RPL3: variants seen among roughly 807,000 people sequenced by gnomAD.
The protein encoded by RPL3 is ribosomal protein L3, also known as large ribosomal subunit protein uL3.
RPL3 carries 3 observed loss-of-function variants against 46.0 expected under a neutral mutation model. The ratio of observed to expected loss-of-function variants is 0.07; its 90% CI spans 0.03 to 0.17. The LOEUF is 0.17. RPL3 is among the 10% of genes least tolerant of loss of function. The pLI, the probability that RPL3 is intolerant of heterozygous loss-of-function variation, is 1.00. For synonymous variants in RPL3, 224 were observed against 190.8 expected, an observed-to-expected ratio of 1.17 and a Z score of -1.43; for missense variants, 387 against 532.7, an observed-to-expected ratio of 0.73 and a Z score of 2.69.
chr22:39,315,882 T>C (rs1409781667), intron 4 of RPL3, among the ~76,000 whole-genome samples: 1 of 152,212 alleles, frequency 6.6e-6, no homozygotes, highest in Non-Finnish European at 1.5e-5. Context: ...GCAGTGGTTT[T>C]ACCTCAGCCA....
Position 39,315,477 on chromosome 22 carries a change from G to A in RPL3, c.580C>T (p.Leu194=), listed in dbSNP as rs759124347. 1.2e-6 allele frequency: 2 copies of A among 1,614,112 alleles called. No individual in the cohort carries two copies. The highest frequency in any genetic ancestry group is 1.7e-6 in the Non-Finnish European group (2 of 1,180,050). ...QVNGGTVAEK[L]DWARERLEQQ... is the part of the protein sequence containing the mutation. ...TCAAGCCTCTCGCGGGCCCAGTCCAGCTTCTCGGCCACAGTGCCTCCGTTC... is the reference window on the plus strand; with the variant it reads ...TCAAGCCTCTCGCGGGCCCAGTCCAACTTCTCGGCCACAGTGCCTCCGTTC... The change falls in exon 5 of 10, where the codon CTG becomes TTG. Residue 194 remains leucine, a synonymous_variant. Transcript: ENST00000216146.
rs1569161616 is a variant in RPL3 at position 39,317,449 on chromosome 22, C to G, written c.365+12G>C. On this transcript the variant is annotated intron_variant, in intron 3 of 9. Transcript: ENST00000216146. ...GCTCCCAAGCTAGGGACTGCATGGC[C>G]TCCTCCCTTACCAATTCTTATAGAA... 6.2e-7 allele frequency: 1 copy of G among 1,611,538 alleles called. No individual in the cohort carries two copies. Among genetic ancestry groups the G allele is most frequent in the Non-Finnish European group, 8.5e-7 (1 of 1,178,018 alleles).
At chr22:39,318,159 T>G (rs1410821110) in intron 2 of RPL3, 5 of 494,850 alleles carry the variant, frequency 1.0e-5, no homozygotes, top group Non-Finnish European at 1.8e-5. Flanking sequence ...CTGGCAAATT[T>G]ACTATGCTCT....
At chr22:39,316,902 G>A (rs760844884) in intron 3 of RPL3, 61 bp from the exon 4 acceptor site, 3 of 1,612,534 alleles carry the variant, frequency 1.9e-6, no homozygotes, top group Non-Finnish European at 2.5e-6. Flanking sequence ...ACCCCTCCGA[G>A]GGGTGAGCGG....
rs1209796975 is a variant in RPL3, at chr22:39,318,558, G to C, written c.38C>G (p.Ser13Cys). ...HRKFSAPRHG[S>C]LGFLPRKRSS... ...GCGCTTCCGAGGCAGGAAGCCGAGG[G>C]ACCCATGTCTGGGAGCGGAGAACTT... is the stretch of plus-strand genomic sequence containing the variant. Residue 13 changes from serine to cysteine, a missense_variant, in exon 2 of 10, where the codon TCC becomes TGC. Physicochemically the swap from Ser to Cys is moderately radical, Grantham distance 112. Around this residue, in one of 5 missense-constraint regions of RPL3, gnomAD observed 8 missense variants for 23.8 expected, o/e 0.34. Coordinates refer to ENST00000216146, the MANE Select transcript of RPL3 (RefSeq NM_000967.4). The C allele has an allele frequency of 1.2e-6, 2 of 1,612,478 alleles. No homozygotes were observed. The highest frequency in any genetic ancestry group is 2.7e-5 in the African/African-American group (2 of 74,870).
In RPL3 at chr22:39,314,233, G is replaced by C. The variant is rs374530214; in HGVS notation, c.850-25C>G. 5.6e-6 allele frequency: 9 copies of C among 1,600,146 alleles called. No individual in the cohort carries two copies. In the African/African-American group the frequency reaches 1.1e-4, roughly 19 times the overall value. ...TCTGAATGAACAAGAAGGGTGTAAG[G>C]CTGGGGCATTAGGGACAAATAACCC... On this transcript the variant is annotated intron_variant, in intron 6 of 9. Coordinates refer to ENST00000216146, the MANE Select transcript of RPL3 (RefSeq NM_000967.4).
intron 4 of RPL3, among the ~76,000 whole-genome samples, chr22:39,315,956 A>G (rs1488235357): frequency 1.3e-5 from 2 of 152,230 alleles, no homozygotes; most frequent in Non-Finnish European, 2.9e-5. Flanking sequence ...AAGAAAATGC[A>G]TCACCGGGAG....
rs374722258 is a variant in RPL3 at position 39,318,620 on chromosome 22, A to T, written c.4-28T>A. 2.0e-5 allele frequency: 32 copies of T among 1,573,158 alleles called. No individual in the cohort carries two copies. In the Middle Eastern group the frequency reaches 1.0e-3, roughly 49 times the overall value. On this transcript the variant is annotated intron_variant, in intron 1 of 9. Transcript: ENST00000216146. Reference sequence around the variant, plus strand: ...AGGTGGGAAAAAAATCACCGTCAGCACCCAAACCAAAGCAGTGCCCCCTTC... The same window carrying T: ...AGGTGGGAAAAAAATCACCGTCAGCTCCCAAACCAAAGCAGTGCCCCCTTC...
rs571501291 is a variant in RPL3, at chr22:39,314,599, G to T, written c.849+87C>A. ...CCACGTGATGCATAAGCTACAGTCA[G>T]TGAAGCAGCACTGACAGGCACAGAA... On this transcript the variant is annotated intron_variant, in intron 6 of 9. Coordinates refer to ENST00000216146, the MANE Select transcript of RPL3 (RefSeq NM_000967.4). The T allele has an allele frequency of 1.3e-4, 186 of 1,441,146 alleles. 3 individuals carry two copies. In the South Asian group the frequency reaches 2.4e-3, roughly 18 times the overall value. 89.3% of individuals were successfully genotyped at this position (1,441,146 alleles called of 1,614,324 possible). A position where few individuals can be genotyped will look rare whatever the true frequency, so the allele number is the denominator to read the frequency against.
At position 39,314,149 on chromosome 22, in the gene RPL3, G is replaced by A. The variant is rs773114418; in HGVS notation, c.909C>T (p.Ala303=). The A allele has an allele frequency of 2.5e-6, 4 of 1,613,442 alleles. No homozygotes were observed. The highest frequency in any genetic ancestry group is 2.2e-5 in the East Asian group (1 of 44,884). Residue 303 remains alanine (A), a synonymous_variant, in exon 7 of 10, where the codon GCC becomes GCT. Transcript: ENST00000216146. ...TGTCAGATAGGTCATAGTCAGTGGA[G>A]GCATTGTTCTTGATCAGCTTGCCGT... The part of the protein sequence containing the change: ...IKDGKLIKNN[A]STDYDLSDKS...
chr22:39,319,003 G>A (rs746665633), intron 1 of RPL3: 2 of 539,184 alleles, frequency 3.7e-6, no homozygotes, highest in South Asian at 1.4e-5. Context: ...TCCGGTGCCC[G>A]GACACTAATT....
Position 39,317,582 on chromosome 22 carries a change from G to T in RPL3, c.244C>A (p.Pro82Thr), listed in dbSNP as rs767306098. The change falls in exon 3 of 10, where the codon CCA (proline) becomes ACA (threonine). Residue 82 changes from proline (P) to threonine (T), a missense_variant. Physicochemically the swap from Pro to Thr is conservative, Grantham distance 38. This residue lies in a region of RPL3 where 196 missense variants were observed against 217.5 expected (regional missense o/e 0.90). Coordinates refer to ENST00000216146, the MANE Select transcript of RPL3 (RefSeq NM_000967.4). ...ACAATGCCCACAACCACCATGGGTG[G>T]TGTCTCTACAATGGTCACAGCCTCC... The part of the protein sequence containing the change: ...VVEAVTIVET[P>T]PMVVVGIVGY... The T allele has an allele frequency of 1.2e-6, 2 of 1,613,806 alleles. No individual in the cohort carries two copies. Among genetic ancestry groups the T allele is most frequent in the Non-Finnish European group, 1.7e-6 (2 of 1,179,864 alleles).
chr22:39,319,175 C>A, intron 1 of RPL3: 1 of 545,454 alleles, frequency 1.8e-6, no homozygotes, highest in Non-Finnish European at 3.7e-6. Flanking sequence ...CAGGAGGACT[C>A]CACAACACTC....
At chr22:39,316,558 T>G (rs1922703193) in intron 4 of RPL3, 148 bp downstream of exon 4, 1 of 976,198 alleles carries the variant, frequency 1.0e-6, no homozygotes. Flanking sequence ...AGGGGAATGG[T>G]TCCCTTGCTA....
intron 1 of RPL3, chr22:39,318,928 C>T (rs1922873491): frequency 1.0e-5 from 5 of 493,930 alleles, no homozygotes; most frequent in South Asian, 7.6e-5. Context: ...GTTTTGACCG[C>T]TAAAGAAAGG....
chr22:39,316,196 G>A (rs1464893101), intron 4 of RPL3, among the ~76,000 whole-genome samples: 1 of 151,260 alleles, frequency 6.6e-6, no homozygotes, highest in East Asian at 1.9e-4. Context: ...CTGAGATAGG[G>A]CTATTGCACT....
intron 2 of RPL3, chr22:39,317,926 A>T: frequency 2.3e-6 from 1 of 427,206 alleles, no homozygotes. Context: ...CAGTGCCCTA[A>T]CAATAGCTCT....
intron 2 of RPL3, chr22:39,318,145 G>A (rs1254343451): frequency 2.1e-5 from 10 of 471,858 alleles, no homozygotes; most frequent in Non-Finnish European, 3.0e-5. Flanking sequence ...CTTTGCTAAG[G>A]TTCCTGGCAA....
chr22:39,318,322 T>C (rs1691088002), intron 2 of RPL3, 78 bp downstream of exon 2: 2 of 1,503,390 alleles, frequency 1.3e-6, no homozygotes, highest in Non-Finnish European at 1.8e-6. Context: ...TGCCCTCTGC[T>C]AACAGCTTGA....
Sources: allele counts gnomAD v4.1 joint callset (sites outside exome capture counted in the v4.1 genomes callset), GRCh38; gene constraint gnomAD v4.1.1; regional missense constraint gnomAD v4.1.1; transcripts MANE v1.5; gene names NCBI Gene and HGNC (gene_info 2026-07-23, HGNC 2026-07-21).